Variants in SPIRE1 observed in about 807,000 individuals in gnomAD.
SPIRE1 encodes the protein protein spire homolog 1.
A neutral mutation model predicts 94.1 loss-of-function variants in SPIRE1; 40 were observed. The ratio of observed to expected loss-of-function variants is 0.43; its 90% CI spans 0.33 to 0.55. The LOEUF (loss-of-function observed/expected upper bound fraction) is 0.55. Ranked by LOEUF, SPIRE1 falls within the 20% of genes least tolerant of loss-of-function variation. The pLI is 0.06. For synonymous variants in SPIRE1, 376 were observed against 371.7 expected (o/e 1.01, Z -0.13); for missense variants, 838 against 975.2 (o/e 0.86, Z 1.87).
In SPIRE1 at chr18:12,598,287, T is replaced by A. The variant is rs1468777377; in HGVS notation, c.372+36775A>T. Among the ~76,000 whole-genome samples, 3 of 152,332 alleles carry A rather than the reference T, an allele frequency of 2.0e-5. No homozygotes were observed. The East Asian group carries it at 5.8e-4, about 29-fold the overall frequency. ...TCAAGAACACTCCCTAAATTCCTGGTTATTAAAAACAATATTTTGAATACT... is the reference window on the plus strand; with the variant it reads ...TCAAGAACACTCCCTAAATTCCTGGATATTAAAAACAATATTTTGAATACT... On this transcript the variant is annotated intron_variant, in intron 2 of 16. Transcript: ENST00000409402.
chr18:12,456,165 A>T (rs1032107787), intron 12 of SPIRE1, among the ~76,000 whole-genome samples: 3 of 152,230 alleles, frequency 2.0e-5, no homozygotes, highest in Non-Finnish European at 4.4e-5. Flanking sequence ...AATGCCTAAA[A>T]TACGCATTTA....
intron 3 of SPIRE1, 72 bp from the exon 4 acceptor site, chr18:12,535,673 C>T (rs1299760846): frequency 1.6e-5 from 23 of 1,431,090 alleles, no homozygotes; most frequent in African/African-American, 2.8e-5. Context: ...AAAACAGACA[C>T]GAGCAGAGTG....
chr18:12,454,594 T>C, intron 12 of SPIRE1, 111 bp from the exon 13 acceptor site: 1 of 1,002,434 alleles, frequency 1.0e-6, no homozygotes, highest in East Asian at 2.4e-5. Flanking sequence ...AGAGAACAGG[T>C]TTCCCAATGA....
At chr18:12,658,705 C>G, upstream of SPIRE1, 1 of 428,148 alleles carries the variant, frequency 2.3e-6, no homozygotes, top group Non-Finnish European at 4.9e-6. Flanking sequence ...CCCGTGACCC[C>G]GCGGCCGCTC....
chr18:12,549,287 T>C (rs1222484276), intron 2 of SPIRE1, among the ~76,000 whole-genome samples: 1 of 152,050 alleles, frequency 6.6e-6, no homozygotes, highest in African/African-American at 2.4e-5. Context: ...ACATTCAGTA[T>C]ATATATTTTT....
At chr18:12,594,223 G>A (rs567712461) in intron 2 of SPIRE1, among the ~76,000 whole-genome samples, 141 of 152,160 alleles carry the variant, frequency 9.3e-4, no homozygotes, top group Non-Finnish European at 1.7e-3. Context: ...CCTTAAATAT[G>A]GATCAATACC....
chr18:12,509,395 C>A (rs2033950877), intron 5 of SPIRE1, among the ~76,000 whole-genome samples: 3 of 152,150 alleles, frequency 2.0e-5, no homozygotes, highest in Admixed American at 2.0e-4. Flanking sequence ...CTTCTGAACA[C>A]TGGAAGTTAT....
chr18:12,568,637 G>A (rs960965524), intron 2 of SPIRE1, among the ~76,000 whole-genome samples: 2 of 152,106 alleles, frequency 1.3e-5, no homozygotes, highest in Non-Finnish European at 2.9e-5. Flanking sequence ...TTGGATTATG[G>A]CTAATTATAT....
intron 10 of SPIRE1, among the ~76,000 whole-genome samples, chr18:12,477,734 C>T (rs181574124): frequency 2.7e-4 from 41 of 152,236 alleles, no homozygotes; most frequent in African/African-American, 8.4e-4. Flanking sequence ...AGCGAGGCCA[C>T]GCTGACTCTG....
At chr18:12,526,360 T>C (rs2034524053) in intron 4 of SPIRE1, among the ~76,000 whole-genome samples, 1 of 152,194 alleles carries the variant, frequency 6.6e-6, no homozygotes, top group Non-Finnish European at 1.5e-5. Context: ...GGGTCTCAGC[T>C]TCGAAGTTAC....
rs559008059 is a variant in SPIRE1 at position 12,522,371 on chromosome 18, G to A, written c.730-9840C>T. Among the ~76,000 whole-genome samples, 7 of 152,292 alleles carry A rather than the reference G, an allele frequency of 4.6e-5. No individual in the cohort carries two copies. In the South Asian group the frequency reaches 1.2e-3, roughly 27 times the overall value. ...GCTGAAAAAGGTGAAGAAGCTGCAG[G>A]AGGAAAGTTTGAAGCTAACAGAGAT... On this transcript the variant is annotated intron_variant, in intron 4 of 16. Coordinates refer to ENST00000409402, the MANE Select transcript of SPIRE1 (RefSeq NM_001128626.2).
chr18:12,551,119 T>C (rs1445828744), intron 2 of SPIRE1, among the ~76,000 whole-genome samples: 1 of 152,222 alleles, frequency 6.6e-6, no homozygotes, highest in East Asian at 1.9e-4. Context: ...TCCATGTGAA[T>C]AAGTAATAAG....
intron 2 of SPIRE1, among the ~76,000 whole-genome samples, chr18:12,616,560 A>G (rs1376229334): frequency 6.6e-6 from 1 of 152,250 alleles, no homozygotes; most frequent in African/African-American, 2.4e-5. Flanking sequence ...TGATAATTTT[A>G]GTAAGTGTTG....
At chr18:12,501,357 G>T (rs567499326) in intron 6 of SPIRE1, among the ~76,000 whole-genome samples, 7 of 152,072 alleles carry the variant, frequency 4.6e-5, no homozygotes, top group Non-Finnish European at 1.0e-4. Context: ...TAATAAAAAA[G>T]AAAACTGGAA....
At chr18:12,497,299 A>T (rs1480194089) in intron 6 of SPIRE1, among the ~76,000 whole-genome samples, 1 of 151,932 alleles carries the variant, frequency 6.6e-6, no homozygotes. Context: ...GTTAAAAACA[A>T]TTTTTTTTAG....
chr18:12,579,694 A>G (rs1383989516), intron 2 of SPIRE1, among the ~76,000 whole-genome samples: 1 of 152,244 alleles, frequency 6.6e-6, no homozygotes, highest in East Asian at 1.9e-4. Flanking sequence ...CCATGCAGCA[A>G]CATTCACAAA....
chr18:12,626,551 T>C (rs2037630796), intron 2 of SPIRE1, among the ~76,000 whole-genome samples: 1 of 152,066 alleles, frequency 6.6e-6, no homozygotes, highest in Non-Finnish European at 1.5e-5. Context: ...AGAACTGAAG[T>C]AGCTGCAGTT....
At chr18:12,542,007 C>T (rs569922240) in intron 3 of SPIRE1, among the ~76,000 whole-genome samples, 31 of 150,934 alleles carry the variant, frequency 2.1e-4, no homozygotes, top group Non-Finnish European at 3.1e-4. Flanking sequence ...GATGGAGTCT[C>T]GCTCTGCTGC....
intron 4 of SPIRE1, among the ~76,000 whole-genome samples, chr18:12,515,157 A>G (rs1363204355): frequency 1.3e-5 from 2 of 152,196 alleles, no homozygotes; most frequent in South Asian, 2.1e-4. Flanking sequence ...CCATAAAAAT[A>G]TGAAAAAAGC....
Sources: allele counts gnomAD v4.1 joint callset (sites outside exome capture counted in the v4.1 genomes callset), GRCh38; gene constraint gnomAD v4.1.1; transcripts MANE v1.5; gene names NCBI Gene and HGNC (gene_info 2026-07-23, HGNC 2026-07-21).